The following NFU1 variants were observed in gnomAD, a reference collection of about 807,000 sequenced individuals.
NFU1 encodes NFU1 iron-sulfur cluster scaffold, also known as NFU1 iron-sulfur cluster scaffold homolog, mitochondrial.
Under a neutral mutation model 32.2 loss-of-function variants are expected in NFU1, and 30 were observed. The ratio of observed to expected loss-of-function variants is 0.93; its 90% CI spans 0.70 to 1.26. The LOEUF (loss-of-function observed/expected upper bound fraction) is 1.26, where lower values mean the gene tolerates loss of function less well. NFU1 is among the 50% of genes most tolerant of loss of function. The probability of loss-of-function intolerance (pLI) is 0.00; values close to 1 mark genes in which losing one functional copy is unlikely to be tolerated. For missense variants in NFU1, 306 were observed against 306.6 expected (o/e 1.00, Z 0.02); for synonymous variants, 112 against 104.6 (o/e 1.07, Z -0.43).
At chr2:69,408,751 TATATATATATATATATATA>T (rs1165518323) in intron 5 of NFU1, among the ~76,000 whole-genome samples, 16 of 28,086 alleles carry the variant, frequency 5.7e-4, no homozygotes, top group African/African-American at 2.2e-3. Flanking sequence ...TATATATATA[TATATATATATATATATATA>T]CACACACACA....
upstream of NFU1, among the ~76,000 whole-genome samples, chr2:69,438,586 G>A (rs764831083): frequency 1.3e-5 from 2 of 152,080 alleles, no homozygotes; most frequent in African/African-American, 4.8e-5. Flanking sequence ...CCCTTCCCAG[G>A]ATTCTGATGC....
intron 5 of NFU1, among the ~76,000 whole-genome samples, chr2:69,412,413 G>A (rs1242352633): frequency 6.7e-6 from 1 of 150,046 alleles, no homozygotes; most frequent in Non-Finnish European, 1.5e-5. Flanking sequence ...TTGAGATGGA[G>A]TCTCGCCCTG....
intron 3 of NFU1, among the ~76,000 whole-genome samples, chr2:69,423,146 TTG>T (rs1169374450): frequency 1.5e-3 from 196 of 132,112 alleles, no homozygotes; most frequent in Middle Eastern, 3.7e-3. Flanking sequence ...TCAGCTAAAT[TTG>T]TGTGTGTGTG....
At chr2:69,420,023 T>C (rs1273589226) in intron 3 of NFU1, among the ~76,000 whole-genome samples, 1 of 151,896 alleles carries the variant, frequency 6.6e-6, no homozygotes, top group East Asian at 1.9e-4. Context: ...TTTTCTCTTT[T>C]GAGACGGAGT....
At chr2:69,429,464 G>C (rs917871084) in intron 2 of NFU1, among the ~76,000 whole-genome samples, 3 of 151,994 alleles carry the variant, frequency 2.0e-5, no homozygotes, top group Non-Finnish European at 4.4e-5. Flanking sequence ...AGGAGGCTAA[G>C]GCAAGAGGAC....
At chr2:69,400,013 C>T (rs942192256) in intron 7 of NFU1, among the ~76,000 whole-genome samples, 3 of 152,134 alleles carry the variant, frequency 2.0e-5, no homozygotes, top group Admixed American at 2.0e-4. Context: ...GCTGGGATTA[C>T]AGGCGTCTGC....
At chr2:69,404,206 T>C (rs1574113694) in intron 6 of NFU1, among the ~76,000 whole-genome samples, 1 of 150,950 alleles carries the variant, frequency 6.6e-6, no homozygotes, top group Middle Eastern at 3.4e-3. Flanking sequence ...TTTTGAAATA[T>C]GTAGGCCGGG....
chr2:69,431,595 C>T (rs1437933200), intron 2 of NFU1, among the ~76,000 whole-genome samples: 1 of 152,208 alleles, frequency 6.6e-6, no homozygotes, highest in East Asian at 1.9e-4. Flanking sequence ...GCATGAGCCA[C>T]CACACCCAGT....
Position 69,431,939 on chromosome 2 carries a change from T to C in NFU1, c.129A>G (p.Arg43=). The C allele has an allele frequency of 2.5e-6, 4 of 1,613,862 alleles. No homozygotes were observed. Among genetic ancestry groups the C allele is most frequent in the Non-Finnish European group, 3.4e-6 (4 of 1,179,816 alleles). Residue 43 remains arginine (R), a synonymous_variant, in exon 2 of 8, where the codon AGA becomes AGG. Coordinates refer to ENST00000410022, the MANE Select transcript of NFU1 (RefSeq NM_001002755.4). The stretch of plus-strand genomic sequence containing the variant: ...AGGCTGCAGGTAGTGGGAAAAGTGG[T>C]CTTTGTACAAACTGATGCAGAGGCT... The part of the protein sequence containing the change: ...KKQPLHQFVQ[R]PLFPLPAAFY...
intron 4 of NFU1, among the ~76,000 whole-genome samples, chr2:69,418,925 T>C (rs1673147752): frequency 1.3e-5 from 2 of 152,192 alleles, no homozygotes. Context: ...AAAGGATACA[T>C]AGTTCAAATT....
In NFU1 at chr2:69,408,554, T is replaced by C. The variant is rs1295634762; in HGVS notation, c.485-2472A>G. On this transcript the variant is annotated intron_variant, in intron 5 of 7. Transcript: ENST00000410022. ...GGCCAACATGGTGAAATCCCGTCTC[T>C]ACTAAAAATACAGAAATTAGCCGGG... is the stretch of plus-strand genomic sequence containing the variant. 3.9e-5 allele frequency among the ~76,000 whole-genome samples: 6 copies of C among 151,944 alleles called. No individual in the cohort carries two copies. In the East Asian group the frequency reaches 1.2e-3, roughly 29 times the overall value.
intron 5 of NFU1, among the ~76,000 whole-genome samples, chr2:69,407,660 G>A (rs1381498028): frequency 1.0e-4 from 13 of 127,120 alleles, no homozygotes; most frequent in Non-Finnish European, 2.0e-4. Context: ...GGCTAACAGA[G>A]CAAGACTCTA....
At chr2:69,417,069 C>G (rs985906893) in intron 4 of NFU1, among the ~76,000 whole-genome samples, 1 of 151,818 alleles carries the variant, frequency 6.6e-6, no homozygotes, top group Non-Finnish European at 1.5e-5. Flanking sequence ...CTCAGATCTT[C>G]AGTAAATAGC....
chr2:69,401,118 C>A (rs1330121324), intron 6 of NFU1, among the ~76,000 whole-genome samples: 1 of 152,144 alleles, frequency 6.6e-6, no homozygotes, highest in Non-Finnish European at 1.5e-5. Flanking sequence ...CATTGAAATA[C>A]AACATTAATA....
At chr2:69,409,792 G>A (rs576680983) in intron 5 of NFU1, among the ~76,000 whole-genome samples, 2 of 152,144 alleles carry the variant, frequency 1.3e-5, no homozygotes, top group Admixed American at 6.5e-5. Context: ...CCGGCTCTTC[G>A]AGAGGGCATT....
At position 69,423,288 on chromosome 2, in the gene NFU1, G is replaced by A. The variant is rs952611309; in HGVS notation, c.302+294C>T. ...TGTGTGTGTGTGTGTGTGTGTGTGTGTATGTGTGTGTGGTAGAGATGGAGT... is the reference window on the plus strand; with the variant it reads ...TGTGTGTGTGTGTGTGTGTGTGTGTATATGTGTGTGTGGTAGAGATGGAGT... On this transcript the variant is annotated intron_variant, in intron 3 of 7. Transcript: ENST00000410022. Among the ~76,000 whole-genome samples the A allele has an allele frequency of 5.8e-5, 7 of 121,358 alleles. No homozygotes were observed. In the East Asian group the frequency reaches 1.3e-3, roughly 22 times the overall value. The allele number at this position is 121,358 out of a possible 152,430, so 79.6% of individuals were successfully genotyped here.
chr2:69,429,051 C>G (rs1673553965), intron 2 of NFU1, among the ~76,000 whole-genome samples: 1 of 152,166 alleles, frequency 6.6e-6, no homozygotes, highest in African/African-American at 2.4e-5. Flanking sequence ...TGTCCAAGTA[C>G]TTCATTTAAA....
intron 7 of NFU1, among the ~76,000 whole-genome samples, chr2:69,399,924 G>A (rs1477041945): frequency 6.6e-6 from 1 of 151,340 alleles, no homozygotes; most frequent in Non-Finnish European, 1.5e-5. Flanking sequence ...CCAGGCTGGA[G>A]TGCAATGGCG....
At chr2:69,423,186 T>TGAGATGGGCTGTGTGTGTGTGG (rs1673309209) in intron 3 of NFU1, among the ~76,000 whole-genome samples, 1 of 62,404 alleles carries the variant, frequency 1.6e-5, no homozygotes, top group African/African-American at 6.6e-5. Context: ...GTGTGTGTGG[T>TGAGATGGGCTGTGTGTGTGTGG]GAGATGGGCT....
Sources: gnomAD v4.1 joint callset for allele counts (sites outside exome capture counted in the v4.1 genomes callset) on GRCh38, gnomAD v4.1.1 for gene constraint, MANE v1.5 for transcripts, NCBI Gene and HGNC (gene_info 2026-07-23, HGNC 2026-07-21) for gene names.